The following MSRA variants were observed in gnomAD, a reference collection of about 807,000 sequenced individuals.
The protein encoded by MSRA is mitochondrial peptide methionine sulfoxide reductase.
In MSRA, 54 loss-of-function variants were observed where a neutral mutation model predicts 31.3. The observed-to-expected ratio is 1.73, with a 90% CI of 1.39 to 2.17. The LOEUF is 2.17. Among genes scored for constraint, MSRA ranks in the 30% most tolerant of loss-of-function variants. MSRA has a pLI of 0.00. For missense variants in MSRA, 507 were observed against 300.9 expected, an observed-to-expected ratio of 1.69 and a Z score of -5.07; for synonymous variants, 169 against 116.5, an observed-to-expected ratio of 1.45 and a Z score of -2.90.
At chr8:10,279,579 T>G (rs73662814) in intron 3 of MSRA, among the ~76,000 whole-genome samples, 1 of 152,270 alleles carries the variant, frequency 6.6e-6, no homozygotes, top group East Asian at 1.9e-4. Flanking sequence ...AAAACTTTTT[T>G]CCCCATATGC....
At chr8:10,356,907 AAAAT>A (rs755040584) in intron 5 of MSRA, among the ~76,000 whole-genome samples, 1,907 of 134,328 alleles carry the variant, frequency 0.014, 16 homozygotes, top group Middle Eastern at 0.023. Context: ...AAAAAAAAAA[AAAAT>A]ATATGTGTCT....
In MSRA at chr8:10,204,269, G is replaced by A. The variant is rs553723731; in HGVS notation, c.143-3564G>A. 1.1e-3 allele frequency among the ~76,000 whole-genome samples: 171 copies of A among 152,324 alleles called. 2 individuals carry two copies. The highest frequency in any genetic ancestry group is 3.8e-3 in the African/African-American group (160 of 41,582). ...GAAAGAAAATTTAAAAAACAATTTAGTGTAGCCTAAGTGCGTGATATTTAT... is the reference window on the plus strand; with the variant it reads ...GAAAGAAAATTTAAAAAACAATTTAATGTAGCCTAAGTGCGTGATATTTAT... On this transcript the variant is annotated intron_variant, in intron 1 of 5. Coordinates refer to ENST00000317173, the MANE Select transcript of MSRA (RefSeq NM_012331.5).
At chr8:10,318,037 A>G (rs749158811) in intron 4 of MSRA, among the ~76,000 whole-genome samples, 1 of 152,104 alleles carries the variant, frequency 6.6e-6, no homozygotes, top group Non-Finnish European at 1.5e-5. Flanking sequence ...GCTTGTTCTT[A>G]TTTCTGGGCC....
At chr8:10,243,632 T>C (rs1797455791) in intron 2 of MSRA, among the ~76,000 whole-genome samples, 1 of 152,160 alleles carries the variant, frequency 6.6e-6, no homozygotes, top group Non-Finnish European at 1.5e-5. Flanking sequence ...TAGGAATTTA[T>C]TACAGAAAAA....
chr8:10,329,039 G>T (rs1430035137), intron 5 of MSRA, among the ~76,000 whole-genome samples: 1 of 152,188 alleles, frequency 6.6e-6, no homozygotes, highest in African/African-American at 2.4e-5. Context: ...TGACACCGAA[G>T]TTGCTATTAT....
intron 1 of MSRA, among the ~76,000 whole-genome samples, chr8:10,072,775 C>T (rs187371656): frequency 6.6e-6 from 1 of 152,330 alleles, no homozygotes; most frequent in Non-Finnish European, 1.5e-5. Flanking sequence ...CTTCTTTCAT[C>T]AGCGTTTTGT....
intron 1 of MSRA, among the ~76,000 whole-genome samples, chr8:10,085,369 C>T (rs1021143114): frequency 6.6e-6 from 1 of 152,186 alleles, no homozygotes; most frequent in Non-Finnish European, 1.5e-5. Flanking sequence ...TTCCTCCAAA[C>T]TTTGTCGTGC....
At chr8:10,212,932 T>A (rs1001309251) in intron 2 of MSRA, among the ~76,000 whole-genome samples, 5 of 152,148 alleles carry the variant, frequency 3.3e-5, no homozygotes, top group African/African-American at 1.2e-4. Flanking sequence ...GGTATATATA[T>A]TTATGGGGCA....
intron 5 of MSRA, among the ~76,000 whole-genome samples, chr8:10,386,011 C>T (rs1026074754): frequency 1.3e-5 from 2 of 152,148 alleles, no homozygotes; most frequent in South Asian, 2.1e-4. Context: ...CATTCAGACC[C>T]TGTCTGTGAG....
chr8:10,099,385 T>G (rs573161779), intron 1 of MSRA, among the ~76,000 whole-genome samples: 1 of 152,200 alleles, frequency 6.6e-6, no homozygotes, highest in South Asian at 2.1e-4. Flanking sequence ...AGGCAAAAGA[T>G]ATAATTGCTG....
At chr8:10,396,454 A>G (rs1171163091) in intron 5 of MSRA, among the ~76,000 whole-genome samples, 1 of 152,252 alleles carries the variant, frequency 6.6e-6, no homozygotes, top group Non-Finnish European at 1.5e-5. Flanking sequence ...GAGAAATGTT[A>G]TGGCAAAAAT....
chr8:10,108,656 A>G (rs1800059391), intron 1 of MSRA, among the ~76,000 whole-genome samples: 1 of 152,184 alleles, frequency 6.6e-6, no homozygotes. Context: ...CCTGTGAGCA[A>G]TTGGCGAGGC....
intron 1 of MSRA, among the ~76,000 whole-genome samples, chr8:10,057,448 G>A (rs1357892751): frequency 6.6e-6 from 1 of 152,212 alleles, no homozygotes; most frequent in Non-Finnish European, 1.5e-5. Context: ...ACCTCAGAGT[G>A]CCTTCCATTT....
At chr8:10,350,630 G>T (rs988451348) in intron 5 of MSRA, among the ~76,000 whole-genome samples, 2 of 152,234 alleles carry the variant, frequency 1.3e-5, no homozygotes, top group African/African-American at 4.8e-5. Flanking sequence ...TCTCAAATTT[G>T]CAGAGTCAGC....
chr8:10,386,262 T>C (rs770904460), intron 5 of MSRA, among the ~76,000 whole-genome samples: 3 of 152,202 alleles, frequency 2.0e-5, no homozygotes, highest in East Asian at 1.9e-4. Flanking sequence ...GGAAGAAACA[T>C]TGGAATCTAG....
chr8:10,150,379 G>A (rs1484059052), intron 1 of MSRA, among the ~76,000 whole-genome samples: 1 of 152,076 alleles, frequency 6.6e-6, no homozygotes, highest in African/African-American at 2.4e-5. Flanking sequence ...AATTACCATA[G>A]TCATTGTTTA....
chr8:10,294,168 T>C (rs1160520977), intron 3 of MSRA, among the ~76,000 whole-genome samples: 1 of 152,124 alleles, frequency 6.6e-6, no homozygotes, highest in Non-Finnish European at 1.5e-5. Context: ...ACCACTGCAC[T>C]CCAGCCTGGG....
intron 1 of MSRA, among the ~76,000 whole-genome samples, chr8:10,074,117 C>G (rs902286396): frequency 4.3e-5 from 5 of 116,316 alleles, no homozygotes; most frequent in Non-Finnish European, 8.3e-5. Flanking sequence ...GAGTCTCGCT[C>G]TGTCCCCCAG....
intron 1 of MSRA, among the ~76,000 whole-genome samples, chr8:10,147,305 C>T (rs1803231045): frequency 6.6e-6 from 1 of 152,062 alleles, no homozygotes; most frequent in Non-Finnish European, 1.5e-5. Context: ...GGCTCTGACC[C>T]CAGCAAAGGG....
Sources: allele counts gnomAD v4.1 joint callset (sites outside exome capture counted in the v4.1 genomes callset), GRCh38; gene constraint gnomAD v4.1.1; transcripts MANE v1.5; gene names NCBI Gene and HGNC (gene_info 2026-07-23, HGNC 2026-07-21).